RYR3: variants seen among roughly 807,000 people sequenced by gnomAD.
RYR3 encodes brain ryanodine receptor-calcium release channel.
A neutral mutation model predicts 584.3 loss-of-function variants in RYR3; 207 were observed. The observed-to-expected ratio is 0.35, with a 90% CI of 0.32 to 0.40. The LOEUF (loss-of-function observed/expected upper bound fraction) is 0.40, where lower values mean the gene tolerates loss of function less well. RYR3 is among the 10% of genes least tolerant of loss of function. RYR3 has a pLI of 1.00. For synonymous variants in RYR3, 2,416 were observed against 2,248.5 expected, an observed-to-expected ratio of 1.07 and a Z score of -2.11; for missense variants, 5,616 against 6,089.2, an observed-to-expected ratio of 0.92 and a Z score of 2.59.
Position 33,584,445 on chromosome 15 carries a change from C to A in RYR3, c.1624C>A (p.Leu542Ile). 6.2e-7 allele frequency: 1 copy of A among 1,605,872 alleles called. No individual in the cohort carries two copies. Among genetic ancestry groups the A allele is most frequent in the South Asian group, 1.1e-5 (1 of 90,310 alleles). Residue 542 changes from leucine to isoleucine, a missense_variant, in exon 15 of 104, where the codon CTT becomes ATT. This residue lies in a region of RYR3 where 1,284 missense variants were observed against 1,344.6 expected (regional missense o/e 0.95). Transcript: ENST00000634891. ...RNNCAQFSNN[L>I]DWLISKLDRL... The stretch of plus-strand genomic sequence containing the variant: ...CAATTGCGCTCAATTCTCCAATAAC[C>A]TTGATTGGCTCATCAGTAAATTGGA...
At chr15:33,530,468 A>G in intron 3 of RYR3, 124 bp from the exon 4 acceptor site, 1 of 677,148 alleles carries the variant, frequency 1.5e-6, no homozygotes, top group Non-Finnish European at 2.6e-6. Flanking sequence ...TCTGGAATGA[A>G]TTCCTTAGGA....
intron 69 of RYR3, among the ~76,000 whole-genome samples, chr15:33,804,031 A>G (rs1234006237): frequency 6.6e-6 from 1 of 152,120 alleles, no homozygotes; most frequent in African/African-American, 2.4e-5. Flanking sequence ...GGTAGCAGAA[A>G]ATGGCATTTC....
intron 1 of RYR3, among the ~76,000 whole-genome samples, chr15:33,430,515 C>T (rs2045050240): frequency 6.6e-6 from 1 of 152,148 alleles, no homozygotes; most frequent in African/African-American, 2.4e-5. Context: ...AGGGACGTGA[C>T]CTCCTCCAGG....
intron 43 of RYR3, among the ~76,000 whole-genome samples, chr15:33,707,829 T>G (rs1165900582): frequency 1.3e-5 from 2 of 152,154 alleles, no homozygotes; most frequent in African/African-American, 4.8e-5. Context: ...GTTCTAAGAA[T>G]TTGTCTCAAA....
In RYR3 at chr15:33,548,164, C is replaced by T. The variant is rs751973008; in HGVS notation, c.775C>T (p.Arg259Ter). 6.2e-7 allele frequency: 1 copy of T among 1,612,714 alleles called. No individual in the cohort carries two copies. The change falls in exon 9 of 104, where the codon CGA becomes TGA. Residue 259 changes from arginine (R) to a stop codon, truncating the protein, a stop_gained. Coordinates refer to ENST00000634891, the MANE Select transcript of RYR3 (RefSeq NM_001036.6). LOFTEE classifies it high-confidence loss of function. ...IFYEAGGAGT[R>*]ARSLWRVEPL... ...CTACGAAGCTGGGGGAGCTGGGACT[C>T]GAGCCAGGTCTCTTTGGAGAGTGGA...
intron 1 of RYR3, among the ~76,000 whole-genome samples, chr15:33,423,400 A>T (rs887650275): frequency 6.6e-6 from 1 of 152,166 alleles, no homozygotes; most frequent in Non-Finnish European, 1.5e-5. Context: ...TTATCCATTT[A>T]TCTGTTGACA....
intron 1 of RYR3, among the ~76,000 whole-genome samples, chr15:33,438,380 A>G (rs1225685098): frequency 1.3e-5 from 2 of 152,120 alleles, no homozygotes; most frequent in African/African-American, 4.8e-5. Context: ...TCCTTTTTAA[A>G]AAAATTCCAC....
At chr15:33,728,723 A>G (rs2068675136) in intron 46 of RYR3, 134 bp from the exon 47 acceptor site, 3 of 789,822 alleles carry the variant, frequency 3.8e-6, no homozygotes, top group African/African-American at 1.8e-5. Context: ...TGGATTTGAG[A>G]TGCTCAATCT....
intron 3 of RYR3, among the ~76,000 whole-genome samples, chr15:33,522,900 T>C (rs926786201): frequency 1.3e-5 from 2 of 152,320 alleles, no homozygotes; most frequent in East Asian, 3.9e-4. Context: ...CATTAACTAT[T>C]AATATCATTA....
At chr15:33,802,239 T>C (rs911415912) in intron 69 of RYR3, 1 of 525,992 alleles carries the variant, frequency 1.9e-6, no homozygotes, top group Non-Finnish European at 3.6e-6. Flanking sequence ...AAACAAAAGC[T>C]GCTGTTAGTG....
intron 1 of RYR3, among the ~76,000 whole-genome samples, chr15:33,368,409 C>T (rs1484873303): frequency 7.9e-6 from 1 of 125,952 alleles, no homozygotes; most frequent in East Asian, 2.7e-4. Flanking sequence ...TAGTCTGCTT[C>T]TCTTCTCTTA....
chr15:33,761,635 C>G (rs1019163489), intron 60 of RYR3, among the ~76,000 whole-genome samples: 8 of 152,048 alleles, frequency 5.3e-5, no homozygotes, highest in Non-Finnish European at 1.0e-4. Context: ...CAAAAAAGGC[C>G]CAGAACCAGA....
At chr15:33,858,184 A>C in intron 99 of RYR3, 1 of 392,892 alleles carries the variant, frequency 2.5e-6, no homozygotes, top group Non-Finnish European at 4.6e-6. Flanking sequence ...TCATTCATCT[A>C]TTTCCGGGGT....
chr15:33,741,126 T>C (rs1256880352), intron 51 of RYR3, among the ~76,000 whole-genome samples: 1 of 152,252 alleles, frequency 6.6e-6, no homozygotes, highest in Non-Finnish European at 1.5e-5. Context: ...TGTGTTATTT[T>C]GAGAGTTCAG....
chr15:33,429,236 T>C (rs1256188378), intron 1 of RYR3, among the ~76,000 whole-genome samples: 1 of 152,186 alleles, frequency 6.6e-6, no homozygotes, highest in Non-Finnish European at 1.5e-5. Context: ...GGATTTTGTC[T>C]CCACTCGGTT....
At chr15:33,368,580 G>C (rs1353571829) in intron 1 of RYR3, among the ~76,000 whole-genome samples, 1 of 151,906 alleles carries the variant, frequency 6.6e-6, no homozygotes, top group Non-Finnish European at 1.5e-5. Flanking sequence ...TGAGCCTCCT[G>C]GTCCTGTGTA....
At chr15:33,457,479 T>C (rs941334356) in intron 1 of RYR3, among the ~76,000 whole-genome samples, 1 of 152,164 alleles carries the variant, frequency 6.6e-6, no homozygotes, top group Non-Finnish European at 1.5e-5. Flanking sequence ...TTAAGTGAAA[T>C]AAGCCAGGCA....
intron 2 of RYR3, among the ~76,000 whole-genome samples, chr15:33,479,825 T>G (rs1336284200): frequency 2.6e-5 from 4 of 152,232 alleles, no homozygotes; most frequent in Non-Finnish European, 4.4e-5. Context: ...TTTCTACATC[T>G]GTCCTATGAC....
At chr15:33,533,427 G>A in intron 5 of RYR3, 38 bp downstream of exon 5, 1 of 1,455,940 alleles carries the variant, frequency 6.9e-7, no homozygotes, top group Non-Finnish European at 9.5e-7. Flanking sequence ...GCTCAGCGGG[G>A]GTCTTGGGCT....
Sources: allele counts gnomAD v4.1 joint callset (sites outside exome capture counted in the v4.1 genomes callset), GRCh38; gene constraint gnomAD v4.1.1; regional missense constraint gnomAD v4.1.1; transcripts MANE v1.5; gene names NCBI Gene and HGNC (gene_info 2026-07-23, HGNC 2026-07-21).